SECISBP2: variants seen among roughly 807,000 people sequenced by gnomAD.
The protein encoded by SECISBP2 is selenocysteine insertion sequence-binding protein 2.
In SECISBP2, 96 loss-of-function variants were observed where a neutral mutation model predicts 98.2. That is an observed-to-expected ratio of 0.98 (90% CI 0.83 to 1.16). The LOEUF (loss-of-function observed/expected upper bound fraction) is 1.16, where lower values mean the gene tolerates loss of function less well. Ranked by LOEUF, SECISBP2 falls within the 50% of genes most tolerant of loss-of-function variation. The pLI, the probability that SECISBP2 is intolerant of heterozygous loss-of-function variation, is 0.00. For synonymous variants in SECISBP2, 407 were observed against 370.2 expected, an observed-to-expected ratio of 1.10 and a Z score of -1.14; for missense variants, 1,046 against 1,022.9, an observed-to-expected ratio of 1.02 and a Z score of -0.31.
downstream of SECISBP2, chr9:89,363,699 T>C (rs773705106): frequency 1.1e-5 from 18 of 1,598,596 alleles, no homozygotes; most frequent in South Asian, 1.4e-4. Context: ...TAGTGAAAAA[T>C]TACCTCATAA....
In SECISBP2 at chr9:89,358,903, T is replaced by TC; in HGVS notation, c.*80dup. 1 of 847,270 alleles carries TC rather than the reference T, an allele frequency of 1.2e-6. No individual in the cohort carries two copies. The highest frequency in any genetic ancestry group is 2.6e-5 in the East Asian group (1 of 38,642). The allele number at this position is 847,270 out of a possible 1,614,324, so 52.5% of individuals were successfully genotyped here. On this transcript the variant is annotated 3_prime_UTR_variant, in exon 17 of 17. Coordinates refer to ENST00000375807, the MANE Select transcript of SECISBP2 (RefSeq NM_024077.5). ...ACTTTGGGGCTTTTTCTTCTGTTTT[T>TC]CATGACAATGTAATTTGTGTAACTG...
chr9:89,336,866 G>C (rs1490613904), intron 7 of SECISBP2, among the ~76,000 whole-genome samples: 1 of 148,718 alleles, frequency 6.7e-6, no homozygotes, highest in African/African-American at 2.5e-5. Context: ...CCGCCTCCTG[G>C]GTTCAAGCAA....
chr9:89,358,347 CTT>C (rs1010698629), intron 16 of SECISBP2, among the ~76,000 whole-genome samples, 156 bp downstream of exon 16: 3 of 152,212 alleles, frequency 2.0e-5, no homozygotes, highest in Non-Finnish European at 4.4e-5. Context: ...TATTATCAGA[CTT>C]TTGAAGTGGG....
chr9:89,338,586 T>C lies in SECISBP2; in HGVS notation c.1212+6T>C. 1 of 1,610,560 alleles carries C rather than the reference T, an allele frequency of 6.2e-7. No homozygotes were observed. The highest frequency in any genetic ancestry group is 1.8e-4 in the Middle Eastern group (1 of 5,616). On this transcript the variant is annotated splice_donor_region_variant and intron_variant, in intron 8 of 16. Transcript: ENST00000375807. Reference sequence around the variant, plus strand: ...AAGAGCCTCCAAGGATTGAAGTACATTTATATTTTTTATTCACATGGTGTG... The same window carrying C: ...AAGAGCCTCCAAGGATTGAAGTACACTTATATTTTTTATTCACATGGTGTG...
chr9:89,332,937 T>A lies in SECISBP2; in HGVS notation c.831T>A (p.Asn277Lys). Residue 277 changes from asparagine (N) to lysine (K), a missense_variant, in exon 6 of 17, where the codon AAT becomes AAA. By Grantham distance (94) the Asn-to-Lys change is moderately conservative. Coordinates refer to ENST00000375807, the MANE Select transcript of SECISBP2 (RefSeq NM_024077.5). ...AAATAGTGGTGAAAAATAACCCAAATGAATCTGTAACTGCTAATGCCGCTA... is the reference window on the plus strand; with the variant it reads ...AAATAGTGGTGAAAAATAACCCAAAAGAATCTGTAACTGCTAATGCCGCTA... ...KGEIVVKNNP[N>K]ESVTANAATN... 1 of 1,614,008 alleles carries A rather than the reference T, an allele frequency of 6.2e-7. No homozygotes were observed.
At position 89,319,691 on chromosome 9, in the gene SECISBP2, A is replaced by G; in HGVS notation, c.76A>G (p.Arg26Gly). 7 of 1,614,204 alleles carry G rather than the reference A, an allele frequency of 4.3e-6. No homozygotes were observed. Among genetic ancestry groups the G allele is most frequent in the Non-Finnish European group, 5.9e-6 (7 of 1,180,028 alleles). ...LSADVKPFVP[R>G]FAGLNVAWLE... ...AGCAGATGTCAAACCATTTGTCCCC[A>G]GATTTGCCGGGCTCAATGTGGCATG... is the stretch of plus-strand genomic sequence containing the variant. Residue 26 changes from arginine (R) to glycine (G), a missense_variant, in exon 2 of 17, where the codon AGA (arginine) becomes GGA (glycine). Transcript: ENST00000375807.
rs1043487361 is a variant in SECISBP2 at position 89,339,904 on chromosome 9, G to C, written c.1253G>C (p.Arg418Thr). ...CCCAACCTGGCAGTTGCATCTGAAA[G>C]AAGAGACAGAATAGAGACACCGAAA... ...EFPNLAVASE[R>T]RDRIETPKFQ... Residue 418 changes from arginine (R) to threonine (T), a missense_variant, in exon 9 of 17, where the codon AGA (arginine) becomes ACA (threonine). Transcript: ENST00000375807. 4.3e-6 allele frequency: 7 copies of C among 1,613,882 alleles called. No individual in the cohort carries two copies. Among genetic ancestry groups the C allele is most frequent in the Non-Finnish European group, 5.9e-6 (7 of 1,179,828 alleles).
chr9:89,345,179 C>T (rs1564407027), intron 10 of SECISBP2, among the ~76,000 whole-genome samples: 1 of 152,222 alleles, frequency 6.6e-6, no homozygotes, highest in South Asian at 2.1e-4. Context: ...TTCCCCTGGA[C>T]TCTGTGTAAG....
At chr9:89,334,187 G>A (rs777467523) in intron 6 of SECISBP2, 32 of 1,186,892 alleles carry the variant, frequency 2.7e-5, no homozygotes, top group Admixed American at 2.1e-4. Context: ...TCTTTAGTTC[G>A]TTAATTCTGT....
At chr9:89,354,101 C>G (rs1831698302) in intron 14 of SECISBP2, among the ~76,000 whole-genome samples, 1 of 152,234 alleles carries the variant, frequency 6.6e-6, no homozygotes, top group Non-Finnish European at 1.5e-5. Flanking sequence ...TAGCATCTTG[C>G]TTGTTTGACA....
At chr9:89,334,975 G>A (rs959179258) in intron 7 of SECISBP2, among the ~76,000 whole-genome samples, 2 of 152,182 alleles carry the variant, frequency 1.3e-5, no homozygotes, top group Non-Finnish European at 2.9e-5. Context: ...AGCACTTTGG[G>A]AGGCCAAGGC....
chr9:89,342,325 G>A lies in SECISBP2; in HGVS notation c.1435+846G>A, dbSNP rs191439956. Among the ~76,000 whole-genome samples the A allele has an allele frequency of 7.9e-5, 12 of 152,306 alleles. No individual in the cohort carries two copies. In the East Asian group the frequency reaches 1.5e-3, roughly 20 times the overall value. On this transcript the variant is annotated intron_variant, in intron 10 of 16. Coordinates refer to ENST00000375807, the MANE Select transcript of SECISBP2 (RefSeq NM_024077.5). ...ATGTGGAAAAATTGGAACCCCGTAC[G>A]CTGCCGGTGGGAATGTAAAATGGTG...
At chr9:89,357,804 C>CT (rs1309628869) in intron 15 of SECISBP2, among the ~76,000 whole-genome samples, 195 bp from the exon 16 acceptor site, 1 of 152,190 alleles carries the variant, frequency 6.6e-6, no homozygotes, top group African/African-American at 2.4e-5. Flanking sequence ...ATAGTGGCAC[C>CT]TCAGGCAGGC....
chr9:89,351,803 C>G (rs1831322216), intron 14 of SECISBP2, among the ~76,000 whole-genome samples: 1 of 152,234 alleles, frequency 6.6e-6, no homozygotes, highest in African/African-American at 2.4e-5. Flanking sequence ...CAGTGACCCA[C>G]TCATCTGATT....
At chr9:89,362,320 GC>G (rs1832820154), downstream of SECISBP2, 1 of 1,612,370 alleles carries the variant, frequency 6.2e-7, no homozygotes, top group Non-Finnish European at 8.5e-7. Context: ...GGGGGACCAG[GC>G]CTTCTCCGGG....
At chr9:89,350,380 TG>T (rs1289507349) in intron 13 of SECISBP2, among the ~76,000 whole-genome samples, 1 of 152,256 alleles carries the variant, frequency 6.6e-6, no homozygotes, top group Non-Finnish European at 1.5e-5. Context: ...GATGGGGACC[TG>T]TGGCAAACTA....
Position 89,325,924 on chromosome 9 carries a change from T to G in SECISBP2, c.460T>G (p.Tyr154Asp), listed in dbSNP as rs775430330. 1.2e-6 allele frequency: 2 copies of G among 1,614,074 alleles called. No homozygotes were observed. The highest frequency in any genetic ancestry group is 1.3e-5 in the African/African-American group (1 of 75,052). The change falls in exon 4 of 17, where the codon TAT (tyrosine) becomes GAT (aspartate). Residue 154 changes from tyrosine to aspartate, a missense_variant. By Grantham distance (160) the Tyr-to-Asp change is radical (BLOSUM62 -3). Coordinates refer to ENST00000375807, the MANE Select transcript of SECISBP2 (RefSeq NM_024077.5). The part of the protein sequence containing the change: ...KKKTYDEKKT[Y>D]DQQKFDSERA... ...GAAAACCTATGATGAGAAAAAAACG[T>G]ATGATCAGCAAAAGTTTGACAGTGA...
At chr9:89,326,888 A>G (rs1468539347) in intron 4 of SECISBP2, among the ~76,000 whole-genome samples, 5 of 152,306 alleles carry the variant, frequency 3.3e-5, no homozygotes, top group African/African-American at 1.2e-4. Context: ...GAAAAGGTAC[A>G]GCGGTGGCTC....
downstream of SECISBP2, chr9:89,362,264 A>G: frequency 2.7e-6 from 4 of 1,466,822 alleles, no homozygotes; most frequent in South Asian, 3.5e-5. Context: ...GTGGTGGCCC[A>G]ATGGCTGTGT....
Sources: allele counts gnomAD v4.1 joint callset (sites outside exome capture counted in the v4.1 genomes callset), GRCh38; gene constraint gnomAD v4.1.1; transcripts MANE v1.5; gene names NCBI Gene and HGNC (gene_info 2026-07-23, HGNC 2026-07-21).